Variants in ANKS1B observed in about 807,000 individuals in gnomAD.
ANKS1B encodes the protein ankyrin repeat and sterile alpha motif domain-containing protein 1B.
In ANKS1B, 36 loss-of-function variants were observed where a neutral mutation model predicts 148.3. The ratio of observed to expected loss-of-function variants is 0.24; its 90% CI spans 0.19 to 0.32. The LOEUF (loss-of-function observed/expected upper bound fraction) is 0.32, where lower values mean the gene tolerates loss of function less well. Ranked by LOEUF, ANKS1B falls within the 10% of genes least tolerant of loss-of-function variation. ANKS1B has a pLI of 1.00. For missense variants in ANKS1B, 1,157 were observed against 1,542.6 expected (o/e 0.75, Z 4.19); for synonymous variants, 542 against 560.8 (o/e 0.97, Z 0.47).
intron 9 of ANKS1B, among the ~76,000 whole-genome samples, chr12:99,550,549 G>A (rs191642348): frequency 1.3e-4 from 19 of 152,000 alleles, no homozygotes; most frequent in Middle Eastern, 3.4e-3. Context: ...GCTTGAACCC[G>A]GGAGGTGGAG....
At chr12:99,314,197 A>T (rs1010431648) in intron 12 of ANKS1B, among the ~76,000 whole-genome samples, 4 of 152,202 alleles carry the variant, frequency 2.6e-5, no homozygotes, top group Admixed American at 6.5e-5. Flanking sequence ...ACACCTAGGA[A>T]TACAGCTAAC....
At chr12:99,759,421 C>A (rs1567793958) in intron 8 of ANKS1B, among the ~76,000 whole-genome samples, 1 of 151,934 alleles carries the variant, frequency 6.6e-6, no homozygotes. Context: ...AGTTGTGGCC[C>A]AAATGGTCTC....
At chr12:99,305,886 C>T (rs2082274035) in intron 12 of ANKS1B, among the ~76,000 whole-genome samples, 1 of 152,162 alleles carries the variant, frequency 6.6e-6, no homozygotes, top group African/African-American at 2.4e-5. Flanking sequence ...AAGCAGTGAA[C>T]TCCTTTAATG....
At chr12:99,541,753 G>T (rs2097128103) in intron 9 of ANKS1B, among the ~76,000 whole-genome samples, 1 of 152,050 alleles carries the variant, frequency 6.6e-6, no homozygotes, top group Non-Finnish European at 1.5e-5. Context: ...TACTTGGGAG[G>T]CTGAGGCAGA....
At chr12:99,648,824 GC>G in intron 9 of ANKS1B, 1 of 1,578,468 alleles carries the variant, frequency 6.3e-7, no homozygotes, top group Non-Finnish European at 8.6e-7. Context: ...GGGCCTGGAT[GC>G]TTTGGGGGAG....
chr12:99,743,667 A>G (rs2060323595), intron 8 of ANKS1B, among the ~76,000 whole-genome samples: 2 of 152,216 alleles, frequency 1.3e-5, no homozygotes, highest in African/African-American at 2.4e-5. Flanking sequence ...GGACTGTGAG[A>G]GCAGGTGAAA....
Position 98,744,692 on chromosome 12 carries a change from G to A in ANKS1B, c.*1047C>T. Reference sequence around the variant, plus strand: ...TTGGAATTTCTTCTTTTTTTTTTTTGTATTTATTTTTTCTAGAAAAAGAAA... The same window carrying A: ...TTGGAATTTCTTCTTTTTTTTTTTTATATTTATTTTTTCTAGAAAAAGAAA... On this transcript the variant is annotated 3_prime_UTR_variant, in exon 27 of 27. Transcript: ENST00000683438. 1 of 826,302 alleles carries A rather than the reference G, an allele frequency of 1.2e-6. No homozygotes were observed. Among genetic ancestry groups the A allele is most frequent in the Non-Finnish European group, 1.4e-6 (1 of 703,376 alleles). The allele number at this position is 826,302 out of a possible 1,614,324, so 51.2% of individuals were successfully genotyped here.
At chr12:99,462,441 G>GC (rs2152861317) in intron 10 of ANKS1B, among the ~76,000 whole-genome samples, 1 of 152,280 alleles carries the variant, frequency 6.6e-6, no homozygotes, top group Admixed American at 6.5e-5. Context: ...GATCTCTCCA[G>GC]CTGCCATTTC....
At chr12:99,159,601 GTACCATGTTTTCTT>G (rs1273916950) in intron 14 of ANKS1B, among the ~76,000 whole-genome samples, 1 of 152,058 alleles carries the variant, frequency 6.6e-6, no homozygotes, top group Non-Finnish European at 1.5e-5. Context: ...TGGTATATAT[GTACCATGTTTTCTT>G]TACCCAATTC....
intron 17 of ANKS1B, among the ~76,000 whole-genome samples, chr12:99,012,016 G>A (rs747045100): frequency 3.3e-5 from 5 of 152,138 alleles, no homozygotes; most frequent in Non-Finnish European, 7.3e-5. Context: ...GAGGGTGGTG[G>A]ACTGAGGTAG....
chr12:99,781,872 C>CA, intron 5 of ANKS1B, 150 bp downstream of exon 5: 1 of 620,130 alleles, frequency 1.6e-6, no homozygotes, highest in East Asian at 2.9e-5. Flanking sequence ...TACTGAAACT[C>CA]AGTTCTACAT....
chr12:98,773,524 GGCTCACTGCAGCCTCCC>G (rs2098626604), intron 24 of ANKS1B, among the ~76,000 whole-genome samples: 1 of 151,994 alleles, frequency 6.6e-6, no homozygotes, highest in Admixed American at 6.6e-5. Context: ...GTGCAATCTC[GGCTCACTGCAGCCTCCC>G]GCTCCCAGGT....
chr12:99,665,793 C>T (rs767283772), intron 8 of ANKS1B, among the ~76,000 whole-genome samples: 2 of 152,158 alleles, frequency 1.3e-5, no homozygotes, highest in Non-Finnish European at 2.9e-5. Context: ...TCTTTGACTT[C>T]TTATTGCTGT....
chr12:99,261,910 T>C (rs1009977826), intron 12 of ANKS1B, among the ~76,000 whole-genome samples: 1 of 152,142 alleles, frequency 6.6e-6, no homozygotes, highest in African/African-American at 2.4e-5. Flanking sequence ...GACCTGTGGA[T>C]ACTCTGCCCC....
chr12:99,223,729 T>C (rs2085464094), intron 14 of ANKS1B, among the ~76,000 whole-genome samples: 1 of 152,230 alleles, frequency 6.6e-6, no homozygotes, highest in Admixed American at 6.5e-5. Flanking sequence ...CTAGATGACC[T>C]TGACAGCAGT....
chr12:99,468,703 T>G (rs1237779054), intron 10 of ANKS1B, among the ~76,000 whole-genome samples: 2 of 152,198 alleles, frequency 1.3e-5, no homozygotes, highest in Non-Finnish European at 2.9e-5. Flanking sequence ...TCATCATCAC[T>G]GGCCATCAAA....
chr12:98,750,413 G>A (rs1233507851), intron 26 of ANKS1B, among the ~76,000 whole-genome samples: 1 of 152,138 alleles, frequency 6.6e-6, no homozygotes, highest in Admixed American at 6.5e-5. Context: ...AGGGTGACAG[G>A]GGTAGGCCCC....
At chr12:99,083,846 C>T (rs919684186) in intron 16 of ANKS1B, 10 of 152,290 alleles carry the variant, frequency 6.6e-5, no homozygotes, top group Non-Finnish European at 1.0e-4. Flanking sequence ...CAGACCCGAA[C>T]TTGCTTAGCT....
chr12:99,299,754 AG>A, intron 12 of ANKS1B, among the ~76,000 whole-genome samples: 2 of 152,318 alleles, frequency 1.3e-5, no homozygotes, highest in East Asian at 1.9e-4. Flanking sequence ...CAACTAACAC[AG>A]TTTTCCAAAT....
Sources: gnomAD v4.1 joint callset for allele counts (sites outside exome capture counted in the v4.1 genomes callset) on GRCh38, gnomAD v4.1.1 for gene constraint, MANE v1.5 for transcripts, NCBI Gene and HGNC (gene_info 2026-07-23, HGNC 2026-07-21) for gene names.